Variants in PALS1 observed in about 807,000 individuals in gnomAD.
The protein encoded by PALS1 is protein associated with LIN7 1, MAGUK p55 family member, also known as protein PALS1.
Under a neutral mutation model 78.9 loss-of-function variants are expected in PALS1, and 31 were observed. That is an observed-to-expected ratio of 0.39 (90% CI 0.30 to 0.53). The LOEUF is 0.53. Ranked by LOEUF, PALS1 falls within the 20% of genes least tolerant of loss-of-function variation. The pLI is 0.67. For synonymous variants in PALS1, 276 were observed against 270.9 expected (o/e 1.02, Z -0.18); for missense variants, 704 against 826.5 (o/e 0.85, Z 1.82).
intron 2 of PALS1, among the ~76,000 whole-genome samples, chr14:67,276,609 C>T (rs1794499628): frequency 1.3e-5 from 2 of 152,160 alleles, no homozygotes; most frequent in African/African-American, 4.8e-5. Flanking sequence ...CTGTCTCTAA[C>T]AAATTTAGAA....
chr14:67,243,976 A>C (rs2083946325), intron 1 of PALS1, among the ~76,000 whole-genome samples: 1 of 152,158 alleles, frequency 6.6e-6, no homozygotes, highest in Non-Finnish European at 1.5e-5. Context: ...TGAATGCTAA[A>C]ATGCTGTTCT....
intron 14 of PALS1, among the ~76,000 whole-genome samples, chr14:67,331,949 A>T (rs865875173): frequency 1.3e-5 from 2 of 152,236 alleles, no homozygotes; most frequent in Non-Finnish European, 2.9e-5. Flanking sequence ...GTCATGCAAG[A>T]AACTGCCTCA....
intron 1 of PALS1, among the ~76,000 whole-genome samples, chr14:67,260,784 A>C (rs1384915544): frequency 6.6e-6 from 1 of 152,190 alleles, no homozygotes; most frequent in Non-Finnish European, 1.5e-5. Context: ...TTAAATTAAT[A>C]AACTTCCTTT....
intron 14 of PALS1, among the ~76,000 whole-genome samples, chr14:67,325,979 C>CT (rs61592505): frequency 0.18 from 20,030 of 110,254 alleles, 2,362 homozygotes; most frequent in East Asian, 0.38. Flanking sequence ...CGGCTCTTTT[C>CT]TTTTTTTTTT....
chr14:67,290,060 C>T (rs2084750397), intron 3 of PALS1, among the ~76,000 whole-genome samples: 1 of 152,178 alleles, frequency 6.6e-6, no homozygotes, highest in South Asian at 2.1e-4. Context: ...GCGTGAGCCA[C>T]TGTGCCTGGC....
intron 8 of PALS1, among the ~76,000 whole-genome samples, chr14:67,310,459 G>A (rs2085072357): frequency 6.6e-6 from 1 of 152,172 alleles, no homozygotes; most frequent in Non-Finnish European, 1.5e-5. Flanking sequence ...GAGGGGATGG[G>A]ATGGGTAGTG....
intron 8 of PALS1, among the ~76,000 whole-genome samples, chr14:67,307,903 T>TA (rs1424230691): frequency 1.3e-5 from 2 of 151,992 alleles, no homozygotes; most frequent in African/African-American, 4.8e-5. Flanking sequence ...AATGCAGCCA[T>TA]AAAAAAATGA....
At chr14:67,252,431 A>G (rs1174350838) in intron 1 of PALS1, among the ~76,000 whole-genome samples, 2 of 152,182 alleles carry the variant, frequency 1.3e-5, no homozygotes, top group East Asian at 1.9e-4. Context: ...CTGGTATTAC[A>G]GGAGTGAGCC....
At chr14:67,329,835 A>T (rs2085417844) in intron 14 of PALS1, among the ~76,000 whole-genome samples, 1 of 96,956 alleles carries the variant, frequency 1.0e-5, no homozygotes, top group Non-Finnish European at 1.7e-5. Flanking sequence ...CTTGGTCTCA[A>T]AAATAAATAA....
At chr14:67,293,977 G>T (rs2140835400) in intron 4 of PALS1, among the ~76,000 whole-genome samples, 1 of 152,196 alleles carries the variant, frequency 6.6e-6, no homozygotes, top group East Asian at 1.9e-4. Context: ...AGGGAGAAAA[G>T]AAACAACTTA....
At chr14:67,300,389 G>C (rs980207930) in intron 4 of PALS1, among the ~76,000 whole-genome samples, 1 of 148,872 alleles carries the variant, frequency 6.7e-6, no homozygotes, top group East Asian at 2.0e-4. Context: ...ATGCAGTGGC[G>C]CCATCTCAGC....
chr14:67,295,537 G>GT (rs1294346837), intron 4 of PALS1, among the ~76,000 whole-genome samples: 1 of 151,260 alleles, frequency 6.6e-6, no homozygotes, highest in African/African-American at 2.4e-5. Flanking sequence ...AGACTACTCG[G>GT]TTAAAAAAAA....
At chr14:67,320,973 A>T in intron 12 of PALS1, 84 bp from the exon 13 acceptor site, 5 of 1,113,488 alleles carry the variant, frequency 4.5e-6, no homozygotes, top group Non-Finnish European at 6.8e-6. Context: ...GTTACAAAAT[A>T]GAAATTCTTT....
At chr14:67,284,687 T>C (rs1437097076) in intron 3 of PALS1, among the ~76,000 whole-genome samples, 4 of 148,108 alleles carry the variant, frequency 2.7e-5, no homozygotes, top group Non-Finnish European at 5.9e-5. Context: ...ACCACGAATA[T>C]ACTTTCTTTT....
chr14:67,296,585 CAAAAAAAAAAAAAAAAA>C (rs374329692), intron 4 of PALS1, among the ~76,000 whole-genome samples: 2 of 51,000 alleles, frequency 3.9e-5, no homozygotes, highest in South Asian at 4.8e-4. Flanking sequence ...AACTCTGTCT[CAAAAAAAAAAAAAAAAA>C]AAAAAAAAAA....
intron 1 of PALS1, among the ~76,000 whole-genome samples, chr14:67,261,195 C>T (rs756953365): frequency 5.9e-5 from 9 of 152,082 alleles, no homozygotes; most frequent in Non-Finnish European, 1.3e-4. Context: ...TGAAAAGGGA[C>T]ACTGTTGTGG....
At chr14:67,284,346 G>A (rs2084644481) in intron 3 of PALS1, among the ~76,000 whole-genome samples, 1 of 149,468 alleles carries the variant, frequency 6.7e-6, no homozygotes, top group South Asian at 2.1e-4. Flanking sequence ...GCCCGTATTA[G>A]TAGCACCTTT....
chr14:67,244,902 T>C (rs970526608), intron 1 of PALS1, among the ~76,000 whole-genome samples: 2 of 152,142 alleles, frequency 1.3e-5, no homozygotes, highest in African/African-American at 4.8e-5. Context: ...ATTATTCAGG[T>C]GGTCCCAGTG....
At chr14:67,245,730 A>T (rs529886795) in intron 1 of PALS1, among the ~76,000 whole-genome samples, 1 of 152,178 alleles carries the variant, frequency 6.6e-6, no homozygotes, top group Non-Finnish European at 1.5e-5. Context: ...TTTCATCCTC[A>T]TAACTTCTAT....
Sources: allele counts gnomAD v4.1 joint callset (sites outside exome capture counted in the v4.1 genomes callset), GRCh38; gene constraint gnomAD v4.1.1; transcripts MANE v1.5; gene names NCBI Gene and HGNC (gene_info 2026-07-23, HGNC 2026-07-21).